Variants in WIPF1 observed in about 807,000 individuals in gnomAD.
The protein encoded by WIPF1 is WAS/WASL-interacting protein family member 1.
Under a neutral mutation model 35.4 loss-of-function variants are expected in WIPF1, and 13 were observed. The ratio of observed to expected loss-of-function variants is 0.37; its 90% CI spans 0.24 to 0.58. The LOEUF (loss-of-function observed/expected upper bound fraction) is 0.58. Among genes scored for constraint, WIPF1 ranks in the 20% least tolerant of loss-of-function variants. The probability of loss-of-function intolerance (pLI) is 0.74; values close to 1 mark genes in which losing one functional copy is unlikely to be tolerated. For missense variants in WIPF1, 591 were observed against 667.0 expected (o/e 0.89, Z 1.25); for synonymous variants, 267 against 266.3 (o/e 1.00, Z -0.02).
At chr2:174,658,295 T>C (rs1258972608) in intron 1 of WIPF1, among the ~76,000 whole-genome samples, 1 of 152,246 alleles carries the variant, frequency 6.6e-6, no homozygotes, top group African/African-American at 2.4e-5. Flanking sequence ...GTAGTACAGA[T>C]GAACACTTGT....
intron 1 of WIPF1, among the ~76,000 whole-genome samples, chr2:174,603,416 GT>G (rs1173825382): frequency 6.6e-6 from 1 of 152,250 alleles, no homozygotes; most frequent in Non-Finnish European, 1.5e-5. Flanking sequence ...CTGATTTGAG[GT>G]TGGGGAAGGC....
At chr2:174,623,053 T>C (rs1294797968) in intron 1 of WIPF1, among the ~76,000 whole-genome samples, 1 of 152,264 alleles carries the variant, frequency 6.6e-6, no homozygotes, top group Non-Finnish European at 1.5e-5. Flanking sequence ...AAATGTGTTA[T>C]ATATTAACAT....
chr2:174,672,218 A>T (rs1431939464), intron 1 of WIPF1, among the ~76,000 whole-genome samples: 1 of 152,242 alleles, frequency 6.6e-6, no homozygotes, highest in South Asian at 2.1e-4. Context: ...GTGAGGACAG[A>T]TGGTTTCAAG....
At chr2:174,616,575 G>A (rs971093449) in intron 1 of WIPF1, among the ~76,000 whole-genome samples, 1 of 152,088 alleles carries the variant, frequency 6.6e-6, no homozygotes, top group African/African-American at 2.4e-5. Flanking sequence ...TGTCAAGCTT[G>A]GGCTGAAATA....
intron 5 of WIPF1, among the ~76,000 whole-genome samples, chr2:174,570,872 T>A (rs1684809192): frequency 6.6e-6 from 1 of 152,232 alleles, no homozygotes; most frequent in East Asian, 1.9e-4. Context: ...ATAACCACTA[T>A]AAAACGCATC....
chr2:174,586,063 A>C (rs1213539182), intron 1 of WIPF1, among the ~76,000 whole-genome samples: 1 of 152,146 alleles, frequency 6.6e-6, no homozygotes, highest in African/African-American at 2.4e-5. Flanking sequence ...ACATTCGCCA[A>C]GTCTGTGTGT....
chr2:174,581,743 G>T (rs1685247584), intron 2 of WIPF1, among the ~76,000 whole-genome samples: 1 of 152,150 alleles, frequency 6.6e-6, no homozygotes, highest in African/African-American at 2.4e-5. Flanking sequence ...GAGATGACTA[G>T]ACACGAGAAA....
At chr2:174,630,855 G>C (rs1686999326) in intron 1 of WIPF1, among the ~76,000 whole-genome samples, 1 of 152,062 alleles carries the variant, frequency 6.6e-6, no homozygotes, top group Admixed American at 6.6e-5. Context: ...ACCTACCATG[G>C]TCACCCCTCC....
chr2:174,609,246 A>C (rs1302707422), intron 1 of WIPF1, among the ~76,000 whole-genome samples: 1 of 152,224 alleles, frequency 6.6e-6, no homozygotes, highest in Non-Finnish European at 1.5e-5. Flanking sequence ...TGAAAAAACT[A>C]TTTCTAGTTA....
intron 1 of WIPF1, among the ~76,000 whole-genome samples, chr2:174,645,109 T>C (rs1687378930): frequency 6.6e-6 from 1 of 152,210 alleles, no homozygotes; most frequent in South Asian, 2.1e-4. Context: ...AACCTTGGTT[T>C]GGACCACGAG....
At position 174,562,683 on chromosome 2, in the gene WIPF1, G is replaced by C. The variant is rs913141898; in HGVS notation, c.1457-81C>G. On this transcript the variant is annotated intron_variant, in intron 7 of 7. Transcript: ENST00000679041. Reference sequence around the variant, plus strand: ...GTGGAAACTCGGGGATGGTTGCACGGGTACCCACTACCTCATCCCTATGAC... The same window carrying C: ...GTGGAAACTCGGGGATGGTTGCACGCGTACCCACTACCTCATCCCTATGAC... 3.9e-5 allele frequency: 60 copies of C among 1,550,804 alleles called. No homozygotes were observed. The African/African-American group carries it at 7.2e-4, about 19-fold the overall frequency.
intron 2 of WIPF1, among the ~76,000 whole-genome samples, chr2:174,583,546 A>G (rs1422991677): frequency 1.3e-5 from 2 of 152,122 alleles, no homozygotes; most frequent in Non-Finnish European, 2.9e-5. Context: ...CTTCATCTCT[A>G]TATTCTATTT....
At chr2:174,605,063 T>C (rs1416240900) in intron 1 of WIPF1, among the ~76,000 whole-genome samples, 2 of 152,180 alleles carry the variant, frequency 1.3e-5, no homozygotes, top group African/African-American at 4.8e-5. Context: ...TATACCCACA[T>C]TATAGACGTG....
In WIPF1 at chr2:174,562,150, A is replaced by G; in HGVS notation, c.*397T>C. The G allele has an allele frequency of 6.4e-7, 1 of 1,550,558 alleles. No individual in the cohort carries two copies. On this transcript the variant is annotated 3_prime_UTR_variant, in exon 8 of 8. Coordinates refer to ENST00000679041, the MANE Select transcript of WIPF1 (RefSeq NM_001375834.1). Reference sequence around the variant, plus strand: ...TCTGTGGTTCATAGAAACAGAGAGGAGGCCAAGCATGCGAAAAAGGAACGG... The same window carrying G: ...TCTGTGGTTCATAGAAACAGAGAGGGGGCCAAGCATGCGAAAAAGGAACGG...
chr2:174,598,910 G>A (rs1685906022), upstream of WIPF1, among the ~76,000 whole-genome samples: 1 of 152,132 alleles, frequency 6.6e-6, no homozygotes, highest in African/African-American at 2.4e-5. Context: ...ATCTGAAAAT[G>A]CTCATAATTT....
intron 1 of WIPF1, among the ~76,000 whole-genome samples, chr2:174,676,161 A>G (rs1688126499): frequency 6.7e-6 from 1 of 148,862 alleles, no homozygotes; most frequent in Non-Finnish European, 1.5e-5. Context: ...GGGTCCCACT[A>G]TGTTGCCCAG....
intron 1 of WIPF1, among the ~76,000 whole-genome samples, chr2:174,643,526 C>T (rs1687341337): frequency 1.3e-5 from 2 of 148,782 alleles, no homozygotes. Context: ...GATTCTCGAG[C>T]CTCAGCCTCC....
chr2:174,627,167 C>T (rs564738661), intron 1 of WIPF1, among the ~76,000 whole-genome samples: 1 of 152,346 alleles, frequency 6.6e-6, no homozygotes, highest in East Asian at 1.9e-4. Flanking sequence ...CTCCTCCTAG[C>T]CCCGCTAGAC....
chr2:174,574,159 T>C (rs545969378), intron 4 of WIPF1, among the ~76,000 whole-genome samples: 1 of 152,310 alleles, frequency 6.6e-6, no homozygotes, highest in East Asian at 1.9e-4. Flanking sequence ...GTGAAAGTGC[T>C]GGAATTATAG....
Sources: gnomAD v4.1 joint callset for allele counts (sites outside exome capture counted in the v4.1 genomes callset) on GRCh38, gnomAD v4.1.1 for gene constraint, MANE v1.5 for transcripts, NCBI Gene and HGNC (gene_info 2026-07-23, HGNC 2026-07-21) for gene names.